LAMA2: variants seen among roughly 807,000 people sequenced by gnomAD.
The protein encoded by LAMA2 is laminin subunit alpha 2.
A neutral mutation model predicts 364.8 loss-of-function variants in LAMA2; 269 were observed. That is an observed-to-expected ratio of 0.74 (90% CI 0.67 to 0.82). The LOEUF (loss-of-function observed/expected upper bound fraction) is 0.82. Ranked by LOEUF, LAMA2 falls within the 40% of genes least tolerant of loss-of-function variation. The pLI, the probability that LAMA2 is intolerant of heterozygous loss-of-function variation, is 0.00. For missense variants in LAMA2, 3,807 were observed against 3,873.2 expected, an observed-to-expected ratio of 0.98 and a Z score of 0.45; for synonymous variants, 1,379 against 1,370.6, an observed-to-expected ratio of 1.01 and a Z score of -0.14.
At chr6:129,147,144 G>A (rs1778507343) in intron 6 of LAMA2, 96 bp downstream of exon 6, 1 of 806,764 alleles carries the variant, frequency 1.2e-6, no homozygotes, top group African/African-American at 1.7e-5. Flanking sequence ...GTAAATGGGA[G>A]TCAGGTCCCC....
intron 1 of LAMA2, among the ~76,000 whole-genome samples, chr6:128,996,940 G>C (rs983727819): frequency 6.6e-6 from 1 of 152,140 alleles, no homozygotes; most frequent in African/African-American, 2.4e-5. Context: ...GGAACACTAG[G>C]CAGCCGTGAA....
In LAMA2 at chr6:129,260,801, G is replaced by A. The variant is rs142345851; in HGVS notation, c.2187G>A (p.Gly729=). ...TAGAAGTGTGTCAGTGCCCACCAGG[G>A]TATACTGGCTCCTCTTGTGAAGTAA... ...AAVEVCQCPP[G]YTGSSCESCW... Residue 729 remains glycine (G), a synonymous_variant, in exon 15 of 65, where the codon GGG becomes GGA. Coordinates refer to ENST00000421865, the MANE Select transcript of LAMA2 (RefSeq NM_000426.4). The A allele has an allele frequency of 6.2e-7, 1 of 1,605,334 alleles. No individual in the cohort carries two copies. Among genetic ancestry groups the A allele is most frequent in the Non-Finnish European group, 8.5e-7 (1 of 1,172,222 alleles).
chr6:129,221,760 C>T (rs1341131727), intron 12 of LAMA2, among the ~76,000 whole-genome samples: 1 of 152,082 alleles, frequency 6.6e-6, no homozygotes, highest in Non-Finnish European at 1.5e-5. Context: ...GAAATTATTA[C>T]ATTTGTGCAC....
intron 56 of LAMA2, among the ~76,000 whole-genome samples, chr6:129,487,152 G>T (rs1463136258): frequency 6.6e-6 from 1 of 152,162 alleles, no homozygotes; most frequent in Non-Finnish European, 1.5e-5. Flanking sequence ...CTGCAGAGTG[G>T]CTTTCTGAGG....
At chr6:129,013,061 A>G (rs1431136568) in intron 1 of LAMA2, among the ~76,000 whole-genome samples, 2 of 152,214 alleles carry the variant, frequency 1.3e-5, no homozygotes, top group African/African-American at 4.8e-5. Flanking sequence ...AATGTCACCA[A>G]TTATTGAATC....
intron 32 of LAMA2, among the ~76,000 whole-genome samples, chr6:129,355,009 G>A (rs1311188161): frequency 3.3e-5 from 5 of 152,140 alleles, no homozygotes; most frequent in Non-Finnish European, 7.4e-5. Flanking sequence ...GCCCCACAAG[G>A]AAATGTATTT....
intron 51 of LAMA2, among the ~76,000 whole-genome samples, chr6:129,465,808 G>A (rs73599240): frequency 6.6e-6 from 1 of 152,012 alleles, no homozygotes; most frequent in African/African-American, 2.4e-5. Flanking sequence ...GATCACATAA[G>A]CAGGTATTTT....
intron 1 of LAMA2, among the ~76,000 whole-genome samples, chr6:128,893,001 A>C (rs1266711985): frequency 6.6e-6 from 1 of 151,964 alleles, no homozygotes; most frequent in Non-Finnish European, 1.5e-5. Context: ...TTTACCATCA[A>C]AAAGTTTCAA....
At chr6:129,432,700 T>C (rs905136314) in intron 41 of LAMA2, among the ~76,000 whole-genome samples, 3 of 152,204 alleles carry the variant, frequency 2.0e-5, no homozygotes, top group African/African-American at 7.2e-5. Flanking sequence ...ATTTTCTTGC[T>C]GGGCAAAAGA....
intron 29 of LAMA2, among the ~76,000 whole-genome samples, chr6:129,337,919 T>C (rs1414560179): frequency 6.6e-6 from 1 of 152,072 alleles, no homozygotes; most frequent in Non-Finnish European, 1.5e-5. Flanking sequence ...AGAAAAGTCA[T>C]ATGAAAAGGG....
At chr6:129,405,030 A>C (rs909937078) in intron 40 of LAMA2, among the ~76,000 whole-genome samples, 1 of 152,124 alleles carries the variant, frequency 6.6e-6, no homozygotes, top group African/African-American at 2.4e-5. Context: ...TGGCATGATC[A>C]TTGCAGAAGC....
intron 8 of LAMA2, chr6:129,159,252 C>G (rs1366776672): frequency 1.3e-6 from 1 of 782,830 alleles, no homozygotes; most frequent in Admixed American, 1.9e-5. Context: ...GACTTCAACT[C>G]CCACTGCTTT....
chr6:128,906,736 C>T (rs1777500520), intron 1 of LAMA2, among the ~76,000 whole-genome samples: 1 of 151,910 alleles, frequency 6.6e-6, no homozygotes, highest in South Asian at 2.1e-4. Context: ...ATGGTACTGC[C>T]TAGGTTTTCT....
At chr6:129,094,075 G>C (rs1775022134) in intron 3 of LAMA2, among the ~76,000 whole-genome samples, 1 of 152,166 alleles carries the variant, frequency 6.6e-6, no homozygotes, top group Non-Finnish European at 1.5e-5. Context: ...GAAAACATTA[G>C]AGAGTTATTT....
intron 1 of LAMA2, among the ~76,000 whole-genome samples, chr6:128,986,339 T>C (rs1783236169): frequency 6.6e-6 from 1 of 152,136 alleles, no homozygotes; most frequent in Non-Finnish European, 1.5e-5. Context: ...TTCCTTATAG[T>C]GAAAAAGGGT....
At chr6:128,998,319 G>A (rs1230080583) in intron 1 of LAMA2, among the ~76,000 whole-genome samples, 1 of 152,192 alleles carries the variant, frequency 6.6e-6, no homozygotes, top group African/African-American at 2.4e-5. Context: ...CAAAGTTGAT[G>A]CACAACCTAT....
chr6:129,389,919 G>A lies in LAMA2; in HGVS notation c.5072-1572G>A, dbSNP rs1779226879. On this transcript the variant is annotated intron_variant, in intron 35 of 64. Transcript: ENST00000421865. ...ATGAGATTTGAGGTGGTCGGTGGGGGGACACAGAGAAAAACCATATCAGGC... is the reference window on the plus strand; with the variant it reads ...ATGAGATTTGAGGTGGTCGGTGGGGAGACACAGAGAAAAACCATATCAGGC... 2.0e-5 allele frequency among the ~76,000 whole-genome samples: 3 copies of A among 152,144 alleles called. No individual in the cohort carries two copies. The South Asian group carries it at 6.3e-4, about 32-fold the overall frequency.
intron 14 of LAMA2, among the ~76,000 whole-genome samples, chr6:129,257,249 T>C (rs952835143): frequency 6.6e-6 from 1 of 152,046 alleles, no homozygotes; most frequent in Non-Finnish European, 1.5e-5. Context: ...GAGTAACACT[T>C]GAAACTGTTA....
chr6:129,486,125 C>T (rs183079437), intron 55 of LAMA2, among the ~76,000 whole-genome samples: 46 of 152,292 alleles, frequency 3.0e-4, no homozygotes, highest in Non-Finnish European at 4.3e-4. Flanking sequence ...GCTAGCTGTC[C>T]ACTTGTGAAT....
Sources: allele counts gnomAD v4.1 joint callset (sites outside exome capture counted in the v4.1 genomes callset), GRCh38; gene constraint gnomAD v4.1.1; transcripts MANE v1.5; gene names NCBI Gene and HGNC (gene_info 2026-07-23, HGNC 2026-07-21).